The following MORN1 variants were observed in gnomAD, a reference collection of about 807,000 sequenced individuals.
MORN1 encodes MORN repeat containing 1, also known as MORN repeat-containing protein 1.
In MORN1, 67 loss-of-function variants were observed where a neutral mutation model predicts 61.9. The ratio of observed to expected loss-of-function variants is 1.08; its 90% confidence interval spans 0.89 to 1.33. The LOEUF is 1.33. Ranked by LOEUF, MORN1 falls within the 40% of genes most tolerant of loss-of-function variation. The pLI, the probability that MORN1 is intolerant of heterozygous loss-of-function variation, is 0.00. For synonymous variants in MORN1, 301 were observed against 292.0 expected, an observed-to-expected ratio of 1.03 and a Z score of -0.31; for missense variants, 752 against 691.2, an observed-to-expected ratio of 1.09 and a Z score of -0.99.
At chr1:2,381,249 A>G (rs1642365211) in intron 6 of MORN1, among the ~76,000 whole-genome samples, 2 of 152,204 alleles carry the variant, frequency 1.3e-5, no homozygotes, top group African/African-American at 4.8e-5. Flanking sequence ...ACCTGAGGGG[A>G]TGGGAGCCCA....
At position 2,334,584 on chromosome 1, in the gene MORN1, G is replaced by C. The variant is rs1641226460; in HGVS notation, c.1250+1885C>G. On this transcript the variant is annotated intron_variant, in intron 12 of 13. Transcript: ENST00000378531. This position sits in a 1 kb window ranked among gnomAD's most constrained non-coding sequence, Gnocchi z 5.4. The stretch of plus-strand genomic sequence containing the variant: ...TGTCCCAACACGACGAGAGGGCCCT[G>C]GCTGTGTGGCCGTGGAGCCGGCAGG... Among the ~76,000 whole-genome samples the C allele has an allele frequency of 6.6e-6, 1 of 152,178 alleles. No individual in the cohort carries two copies. The highest frequency in any genetic ancestry group is 2.4e-5 in the African/African-American group (1 of 41,454).
At chr1:2,379,779 G>A (rs1642329310) in intron 6 of MORN1, among the ~76,000 whole-genome samples, 1 of 152,360 alleles carries the variant, frequency 6.6e-6, no homozygotes, top group Non-Finnish European at 1.5e-5. Flanking sequence ...CTGGAACTGT[G>A]TGCACTGTGG....
intron 10 of MORN1, among the ~76,000 whole-genome samples, chr1:2,345,889 G>A (rs1011728161): frequency 6.6e-6 from 1 of 151,688 alleles, no homozygotes; most frequent in African/African-American, 2.4e-5. Context: ...CGCACACCCC[G>A]AGCTCACACG....
chr1:2,321,683 C>T (rs1271431071), intron 13 of MORN1, 104 bp from the exon 14 acceptor site: 2 of 1,361,366 alleles, frequency 1.5e-6, no homozygotes, highest in African/African-American at 1.5e-5. Flanking sequence ...CCCCTGTGCC[C>T]CCGACCCTGG....
At chr1:2,373,392 G>A in intron 7 of MORN1, among the ~76,000 whole-genome samples, 1 of 152,258 alleles carries the variant, frequency 6.6e-6, no homozygotes, top group East Asian at 1.9e-4. Flanking sequence ...AGCCCACCTT[G>A]GCTCGGAGGG....
Position 2,390,512 on chromosome 1 carries a change from C to A in MORN1, c.77-516G>T, listed in dbSNP as rs541653769. 6.1e-6 allele frequency: 6 copies of A among 985,404 alleles called. No individual in the cohort carries two copies. The East Asian group carries it at 5.7e-4, about 93-fold the overall frequency. The allele number at this position is 985,404 out of a possible 1,614,324, so 61.0% of individuals were successfully genotyped here. ...CATCTCCTCCTAGTTGCTGGGTGTG[C>A]CACCCGCCAACTCCTGCAGTTCCAG... is the stretch of plus-strand genomic sequence containing the variant. On this transcript the variant is annotated intron_variant, in intron 1 of 13. Transcript: ENST00000378531.
intron 11 of MORN1, 63 bp downstream of exon 11, chr1:2,336,654 G>C: frequency 6.4e-7 from 1 of 1,568,886 alleles, no homozygotes; most frequent in Non-Finnish European, 8.7e-7. Context: ...TGTTGAGGTG[G>C]TGGGTGGGCA....
intron 10 of MORN1, chr1:2,351,798 A>G (rs568788770): frequency 3.6e-6 from 2 of 563,038 alleles, no homozygotes; most frequent in African/African-American, 1.9e-5. Flanking sequence ...GCCATCTTGT[A>G]GGATACGTCT....
At chr1:2,323,989 G>C in intron 13 of MORN1, 108 bp downstream of exon 13, 1 of 1,456,654 alleles carries the variant, frequency 6.9e-7, no homozygotes, top group Non-Finnish European at 9.1e-7. Flanking sequence ...ACCTACCTCT[G>C]GGGGCCCCGG....
intron 12 of MORN1, among the ~76,000 whole-genome samples, chr1:2,335,828 T>TAGTCC (rs1641254265): frequency 2.8e-5 from 4 of 143,014 alleles, no homozygotes; most frequent in African/African-American, 1.2e-4. Flanking sequence ...CTCGCCTCCA[T>TAGTCC]AGCCCAGCCC....
intron 4 of MORN1, chr1:2,386,124 C>A: frequency 1.8e-6 from 1 of 554,226 alleles, no homozygotes; most frequent in Non-Finnish European, 3.3e-6. Flanking sequence ...TGCTTTGGGA[C>A]AGGTCGGTGA....
intron 12 of MORN1, among the ~76,000 whole-genome samples, chr1:2,331,232 C>T (rs964073798): frequency 6.6e-6 from 1 of 152,168 alleles, no homozygotes; most frequent in East Asian, 1.9e-4. Flanking sequence ...GGCGCAGGAG[C>T]CCCTCGTGCA....
chr1:2,359,792 A>G (rs1473037371), intron 8 of MORN1, among the ~76,000 whole-genome samples: 1 of 151,996 alleles, frequency 6.6e-6, no homozygotes, highest in Non-Finnish European at 1.5e-5. Flanking sequence ...TTGAGGCAGG[A>G]GAATCGCTTG....
At chr1:2,354,491 C>T (rs962832748) in intron 10 of MORN1, among the ~76,000 whole-genome samples, 8 of 152,210 alleles carry the variant, frequency 5.3e-5, no homozygotes, top group East Asian at 1.9e-4. Flanking sequence ...CACCTGAGCC[C>T]GGGAGGTGGA....
chr1:2,328,927 C>T (rs1034225938), intron 12 of MORN1, among the ~76,000 whole-genome samples: 1 of 152,226 alleles, frequency 6.6e-6, no homozygotes, highest in Non-Finnish European at 1.5e-5. Context: ...GGCCCCTCTG[C>T]ACCCGCAGGC....
At chr1:2,330,190 C>T (rs1024171376) in intron 12 of MORN1, among the ~76,000 whole-genome samples, 2 of 152,222 alleles carry the variant, frequency 1.3e-5, no homozygotes, top group Non-Finnish European at 1.5e-5. Context: ...CCTAACTGGC[C>T]ACAGCGTGCT....
rs558291506 is a variant in MORN1 at position 2,323,585 on chromosome 1, C to T, written c.1297+512G>A. The T allele has an allele frequency of 9.1e-6, 9 of 985,308 alleles. No homozygotes were observed. In the Middle Eastern group the frequency reaches 1.6e-3, roughly 172 times the overall value. 61.0% of individuals were successfully genotyped at this position (985,308 alleles called of 1,614,324 possible). The stretch of plus-strand genomic sequence containing the variant: ...CAGGCTGTGGGGCGACTGGAGGAGG[C>T]CCCACGGCTGAGGGTCTGCACCTGA... On this transcript the variant is annotated intron_variant, in intron 13 of 13. Coordinates refer to ENST00000378531, the MANE Select transcript of MORN1 (RefSeq NM_024848.3).
chr1:2,373,763 G>A (rs948531244), intron 7 of MORN1, among the ~76,000 whole-genome samples: 6 of 152,224 alleles, frequency 3.9e-5, no homozygotes, highest in South Asian at 2.1e-4. Context: ...CGAGGAGCCC[G>A]GGGCCAGCGG....
intron 10 of MORN1, among the ~76,000 whole-genome samples, chr1:2,356,986 A>G (rs1337543643): frequency 2.0e-5 from 3 of 152,148 alleles, no homozygotes; most frequent in Non-Finnish European, 2.9e-5. Context: ...CCCGTGCAGA[A>G]GCGGAGCAGC....
Sources: gnomAD v4.1 joint callset for allele counts (sites outside exome capture counted in the v4.1 genomes callset) on GRCh38, gnomAD v4.1.1 for gene constraint, Gnocchi (gnomAD v3.1) non-coding constraint, MANE v1.5 for transcripts, NCBI Gene and HGNC (gene_info 2026-07-23, HGNC 2026-07-21) for gene names.